The following ADCY2 variants were observed in gnomAD, a reference collection of about 807,000 sequenced individuals.
The protein encoded by ADCY2 is adenylate cyclase type 2.
A neutral mutation model predicts 125.2 loss-of-function variants in ADCY2; 31 were observed. The ratio of observed to expected loss-of-function variants is 0.25; its 90% confidence interval spans 0.19 to 0.33. The LOEUF (loss-of-function observed/expected upper bound fraction) is 0.33. Among genes scored for constraint, ADCY2 ranks in the 10% least tolerant of loss-of-function variants. ADCY2 has a pLI of 1.00. For synonymous variants in ADCY2, 512 were observed against 548.4 expected (o/e 0.93, Z 0.93); for missense variants, 904 against 1,418.2 (o/e 0.64, Z 5.82).
chr5:7,699,070 C>CAACAGTTAA (rs1740989110), intron 7 of ADCY2, among the ~76,000 whole-genome samples: 1 of 112,548 alleles, frequency 8.9e-6, no homozygotes, highest in East Asian at 2.7e-4. Context: ...AGTCAGGAAA[C>CAACAGTTAA]AACAGTAAGC....
At chr5:7,742,261 AGAT>A (rs1045085990) in intron 14 of ADCY2, among the ~76,000 whole-genome samples, 3 of 152,034 alleles carry the variant, frequency 2.0e-5, no homozygotes, top group African/African-American at 7.2e-5. Flanking sequence ...CATAGCTCTG[AGAT>A]GTGGGCTGGC....
At position 7,396,525 on chromosome 5, in the gene ADCY2, G is replaced by T. The variant is rs769022980; in HGVS notation, c.210+19G>T. On this transcript the variant is annotated intron_variant, in intron 1 of 24. Transcript: ENST00000338316. This position sits in a 1 kb window ranked among gnomAD's most constrained non-coding sequence, Gnocchi z 5.7. ...CGGGCTGGTGAGTGGCCTCCCCGCGGGTCCAGCGCCGCGCCTTCCCCGGCC... is the reference window on the plus strand; with the variant it reads ...CGGGCTGGTGAGTGGCCTCCCCGCGTGTCCAGCGCCGCGCCTTCCCCGGCC... The T allele has an allele frequency of 6.5e-7, 1 of 1,548,836 alleles. No individual in the cohort carries two copies. Among genetic ancestry groups the T allele is most frequent in the South Asian group, 1.2e-5 (1 of 86,460 alleles).
At chr5:7,757,679 C>T in intron 16 of ADCY2, 93 bp downstream of exon 16, 1 of 1,519,100 alleles carries the variant, frequency 6.6e-7, no homozygotes. Context: ...CCGTGTTCAA[C>T]ATGGTAAGCC....
At chr5:7,452,326 C>A (rs970257067) in intron 2 of ADCY2, among the ~76,000 whole-genome samples, 2 of 152,204 alleles carry the variant, frequency 1.3e-5, no homozygotes, top group Non-Finnish European at 2.9e-5. Flanking sequence ...TTAGCTTCCA[C>A]TGTATGTTAT....
chr5:7,635,294 C>T (rs1015528316), intron 4 of ADCY2, among the ~76,000 whole-genome samples: 1 of 152,024 alleles, frequency 6.6e-6, no homozygotes, highest in African/African-American at 2.4e-5. Flanking sequence ...GTAGGTGACT[C>T]CTTGGAAGCC....
intron 3 of ADCY2, among the ~76,000 whole-genome samples, chr5:7,600,790 C>T (rs112848320): frequency 5.3e-4 from 80 of 152,160 alleles, no homozygotes; most frequent in African/African-American, 1.9e-3. Context: ...ATTAAATAGG[C>T]TGATAGATTA....
At chr5:7,412,990 C>G (rs1739782029) in intron 1 of ADCY2, among the ~76,000 whole-genome samples, 1 of 151,732 alleles carries the variant, frequency 6.6e-6, no homozygotes, top group South Asian at 2.1e-4. Flanking sequence ...TTGCCTCTTT[C>G]CCAGGCATCA....
intron 2 of ADCY2, among the ~76,000 whole-genome samples, chr5:7,496,140 C>A (rs1277258290): frequency 6.6e-6 from 1 of 152,084 alleles, no homozygotes; most frequent in African/African-American, 2.4e-5. Context: ...TGAAGGCAAA[C>A]AACACACCAT....
At chr5:7,483,976 A>G (rs1415983981) in intron 2 of ADCY2, among the ~76,000 whole-genome samples, 1 of 152,198 alleles carries the variant, frequency 6.6e-6, no homozygotes, top group Non-Finnish European at 1.5e-5. Context: ...GCTCCGATTG[A>G]TACTATCTCA....
chr5:7,435,511 C>A (rs1268272752), intron 2 of ADCY2, among the ~76,000 whole-genome samples: 1 of 152,188 alleles, frequency 6.6e-6, no homozygotes, highest in African/African-American at 2.4e-5. Flanking sequence ...TACAACAGCT[C>A]ATTTCTAAGT....
At chr5:7,407,899 C>T (rs1258033566) in intron 1 of ADCY2, among the ~76,000 whole-genome samples, 14 of 145,830 alleles carry the variant, frequency 9.6e-5, no homozygotes, top group East Asian at 4.0e-4. Context: ...GACAGAGTCT[C>T]GCTCTGTCGA....
chr5:7,824,275 G>A (rs1404606190), intron 24 of ADCY2, among the ~76,000 whole-genome samples: 3 of 152,094 alleles, frequency 2.0e-5, no homozygotes, highest in African/African-American at 7.2e-5. Flanking sequence ...CAGCAACCCT[G>A]CGGCTTCTCC....
intron 2 of ADCY2, among the ~76,000 whole-genome samples, chr5:7,464,165 T>C (rs1742022848): frequency 6.6e-6 from 1 of 152,176 alleles, no homozygotes; most frequent in African/African-American, 2.4e-5. Flanking sequence ...TTCCTCTTCA[T>C]TGTAAGCTGT....
intron 1 of ADCY2, among the ~76,000 whole-genome samples, chr5:7,407,469 G>A (rs1376969144): frequency 6.6e-6 from 1 of 152,102 alleles, no homozygotes; most frequent in Non-Finnish European, 1.5e-5. Context: ...TCTTATGATG[G>A]CAGGAGAGAG....
chr5:7,771,281 T>C (rs1293865821), intron 17 of ADCY2, among the ~76,000 whole-genome samples: 1 of 152,170 alleles, frequency 6.6e-6, no homozygotes, highest in African/African-American at 2.4e-5. Flanking sequence ...ACCCACATCA[T>C]CTCTTCTTTT....
intron 4 of ADCY2, among the ~76,000 whole-genome samples, chr5:7,655,469 A>G (rs141480916): frequency 1.5e-3 from 236 of 152,306 alleles, no homozygotes; most frequent in African/African-American, 5.7e-3. Context: ...CCAGCTCACG[A>G]GAAAAAGACT....
chr5:7,721,628 T>C (rs62342467), intron 12 of ADCY2, among the ~76,000 whole-genome samples: 71,703 of 152,082 alleles, frequency 0.47, 18,381 homozygotes, highest in Non-Finnish European at 0.58. Context: ...TAGCCAGTTT[T>C]CCCAGCACCA....
At chr5:7,762,601 G>A (rs1419292204) in intron 16 of ADCY2, among the ~76,000 whole-genome samples, 1 of 152,238 alleles carries the variant, frequency 6.6e-6, no homozygotes, top group Admixed American at 6.5e-5. Flanking sequence ...GTGAAACCTA[G>A]TCTTTACCTA....
chr5:7,631,413 T>G (rs575729078), intron 4 of ADCY2, among the ~76,000 whole-genome samples: 7 of 152,196 alleles, frequency 4.6e-5, no homozygotes, highest in Non-Finnish European at 1.0e-4. Context: ...ATAAAGAAAC[T>G]GCTCACATTA....
Sources: allele counts gnomAD v4.1 joint callset (sites outside exome capture counted in the v4.1 genomes callset), GRCh38; gene constraint gnomAD v4.1.1; non-coding constraint Gnocchi (gnomAD v3.1); transcripts MANE v1.5; gene names NCBI Gene and HGNC (gene_info 2026-07-23, HGNC 2026-07-21).